The following SEZ6 variants were observed in gnomAD, a reference collection of about 807,000 sequenced individuals.
The protein encoded by SEZ6 is seizure protein 6 homolog.
A neutral mutation model predicts 101.0 loss-of-function variants in SEZ6; 53 were observed. The ratio of observed to expected loss-of-function variants is 0.52; its 90% CI spans 0.42 to 0.66. The LOEUF is 0.66. Among genes scored for constraint, SEZ6 ranks in the 30% least tolerant of loss-of-function variants. The pLI is 0.00. For missense variants in SEZ6, 1,102 were observed against 1,289.4 expected, an observed-to-expected ratio of 0.85 and a Z score of 2.23; for synonymous variants, 488 against 512.2, an observed-to-expected ratio of 0.95 and a Z score of 0.64.
rs762213786 is a variant in SEZ6, at chr17:28,974,185, G to A, written c.859-4233C>T. 1.2e-4 allele frequency among the ~76,000 whole-genome samples: 18 copies of A among 152,264 alleles called. No homozygotes were observed. The South Asian group carries it at 2.1e-3, about 18-fold the overall frequency. Reference sequence around the variant, plus strand: ...GTACTCATTTGCACCAGTACAACCCGGCATAGGCAGATGAGCTCAAAGATG... The same window carrying A: ...GTACTCATTTGCACCAGTACAACCCAGCATAGGCAGATGAGCTCAAAGATG... On this transcript the variant is annotated intron_variant, in intron 3 of 16. Coordinates refer to ENST00000317338, the MANE Select transcript of SEZ6 (RefSeq NM_178860.5).
rs190855332 is a variant in SEZ6 at position 28,978,223 on chromosome 17, C to G, written c.858+1457G>C. Among the ~76,000 whole-genome samples the G allele has an allele frequency of 7.2e-5, 11 of 152,348 alleles. No homozygotes were observed. In the East Asian group the frequency reaches 1.5e-3, roughly 21 times the overall value. On this transcript the variant is annotated intron_variant, in intron 3 of 16. Coordinates refer to ENST00000317338, the MANE Select transcript of SEZ6 (RefSeq NM_178860.5). ...TCAGCGCCCTGCCAGATTCCCTCAA[C>G]CAGGCTGAATGCCTCTCTTGCCCAC... is the stretch of plus-strand genomic sequence containing the variant.
intron 4 of SEZ6, among the ~76,000 whole-genome samples, chr17:28,969,222 TG>T (rs2041113844): frequency 6.6e-6 from 1 of 152,188 alleles, no homozygotes; most frequent in South Asian, 2.1e-4. Flanking sequence ...CTGAGCTGAT[TG>T]GGGCATGGGC....
intron 3 of SEZ6, among the ~76,000 whole-genome samples, chr17:28,972,718 C>T (rs918325657): frequency 1.3e-5 from 2 of 152,202 alleles, no homozygotes; most frequent in African/African-American, 4.8e-5. Flanking sequence ...GTTGGGAAAA[C>T]AAGACTCACA....
Position 29,005,942 on chromosome 17 carries a change from G to A in SEZ6, c.-73C>T. The stretch of plus-strand genomic sequence containing the variant: ...GGGGGGCTTGGTGGGGCTTGGGCGC[G>A]GGGGCAGAGCCGGGTCCGGCCGGGT... On this transcript the variant is annotated 5_prime_UTR_variant, in exon 1 of 17. Coordinates refer to ENST00000317338, the MANE Select transcript of SEZ6 (RefSeq NM_178860.5). This position sits in a 1 kb window ranked among gnomAD's most constrained non-coding sequence, Gnocchi z 4.8. 7.7e-7 allele frequency: 1 copy of A among 1,295,240 alleles called. No individual in the cohort carries two copies. Among genetic ancestry groups the A allele is most frequent in the Non-Finnish European group, 9.9e-7 (1 of 1,005,878 alleles). 80.2% of individuals were successfully genotyped at this position (1,295,240 alleles called of 1,614,324 possible).
rs1190552472 is a variant in SEZ6, at chr17:29,005,988, C to T, written c.-119G>A. 5 of 836,412 alleles carry T rather than the reference C, an allele frequency of 6.0e-6. No individual in the cohort carries two copies. The highest frequency in any genetic ancestry group is 7.9e-6 in the Non-Finnish European group (5 of 634,002). The allele number at this position is 836,412 out of a possible 1,614,324, so 51.8% of individuals were successfully genotyped here. A position where few individuals can be genotyped will look rare whatever the true frequency, so the allele number is the denominator to read the frequency against. On this transcript the variant is annotated 5_prime_UTR_variant, in exon 1 of 17. Coordinates refer to ENST00000317338, the MANE Select transcript of SEZ6 (RefSeq NM_178860.5). This position sits in a 1 kb window ranked among gnomAD's most constrained non-coding sequence, Gnocchi z 4.8. ...CGGGTAGAGGGAGCGGGGCCGCAGC[C>T]GTCACCGCCGCTGCCGCCGCCAGCG... is the stretch of plus-strand genomic sequence containing the variant.
At chr17:28,995,164 C>T (rs934556552) in intron 1 of SEZ6, among the ~76,000 whole-genome samples, 1 of 152,202 alleles carries the variant, frequency 6.6e-6, no homozygotes, top group Admixed American at 6.5e-5. Context: ...TGAGCCACCG[C>T]GCCCGGCCGA....
chr17:28,968,910 C>A (rs1204653860), intron 4 of SEZ6, among the ~76,000 whole-genome samples: 1 of 152,234 alleles, frequency 6.6e-6, no homozygotes, highest in Non-Finnish European at 1.5e-5. Context: ...AGGGACACAG[C>A]TGAGACAGCG....
intron 3 of SEZ6, among the ~76,000 whole-genome samples, chr17:28,978,609 G>T (rs1323523485): frequency 6.6e-6 from 1 of 152,248 alleles, no homozygotes; most frequent in Non-Finnish European, 1.5e-5. Context: ...CATTCAGTTA[G>T]CTGCAAGCTG....
chr17:28,963,123 C>G (rs554663293), intron 5 of SEZ6, among the ~76,000 whole-genome samples: 2 of 126,760 alleles, frequency 1.6e-5, no homozygotes, highest in Non-Finnish European at 3.2e-5. Context: ...GACTCCGTCT[C>G]GAAGAAAAAA....
chr17:28,974,022 A>G (rs2041187752), intron 3 of SEZ6, among the ~76,000 whole-genome samples: 1 of 152,166 alleles, frequency 6.6e-6, no homozygotes, highest in African/African-American at 2.4e-5. Context: ...GGGAGGTGGG[A>G]AGGATTCAGG....
intron 10 of SEZ6, among the ~76,000 whole-genome samples, 184 bp downstream of exon 10, chr17:28,958,841 C>T (rs911424248): frequency 2.6e-5 from 4 of 152,040 alleles, no homozygotes; most frequent in African/African-American, 9.7e-5. Flanking sequence ...CCCCTCTTGC[C>T]ACTATAGAAT....
chr17:28,972,497 A>C (rs1327434891), intron 3 of SEZ6, among the ~76,000 whole-genome samples: 3 of 152,134 alleles, frequency 2.0e-5, no homozygotes, highest in Non-Finnish European at 4.4e-5. Flanking sequence ...CCTGCCTGAG[A>C]GGAAAGACCT....
chr17:28,957,428 A>G lies in SEZ6; in HGVS notation c.2414T>C (p.Leu805Pro). 1.2e-6 allele frequency: 2 copies of G among 1,613,776 alleles called. No homozygotes were observed. Among genetic ancestry groups the G allele is most frequent in the Non-Finnish European group, 8.5e-7 (1 of 1,179,716 alleles). The change falls in exon 12 of 17, where the codon CTG (leucine) becomes CCG (proline). Residue 805 changes from leucine to proline, a missense_variant. Coordinates refer to ENST00000317338, the MANE Select transcript of SEZ6 (RefSeq NM_178860.5). ...GCAGGTGAGGATGGAGCTGCCCATC[A>G]GCACAAAACCCTGGTCACAGATATA... ...VQYICDQGFVLMGSSILTCHD... is the reference protein window; with the variant it reads ...VQYICDQGFVPMGSSILTCHD...
intron 3 of SEZ6, among the ~76,000 whole-genome samples, chr17:28,972,632 C>T (rs191971708): frequency 6.6e-6 from 1 of 152,342 alleles, no homozygotes; most frequent in Admixed American, 6.5e-5. Flanking sequence ...CTGCTGGGGA[C>T]ATTCCTCAGG....
chr17:28,957,235 C>T lies in SEZ6; in HGVS notation c.2502G>A (p.Gln834=). The T allele has an allele frequency of 1.9e-6, 3 of 1,614,020 alleles. No homozygotes were observed. Among genetic ancestry groups the T allele is most frequent in the Non-Finnish European group, 2.5e-6 (3 of 1,179,878 alleles). ...CACTGAGACCATGGCATGGCTTGAG[C>T]TGTTCCACTACAAAGCAGGCAGAGT... ...SDRAPKCLLE[Q]LKPCHGLSAP... The change falls in exon 13 of 17, where the codon CAG becomes CAA. Residue 834 remains glutamine (Q), a synonymous_variant. Transcript: ENST00000317338.
chr17:28,971,126 G>T (rs776834250), intron 3 of SEZ6, among the ~76,000 whole-genome samples: 1 of 152,228 alleles, frequency 6.6e-6, no homozygotes, highest in Non-Finnish European at 1.5e-5. Context: ...ACACTGGATT[G>T]ATTGGGAGCC....
intron 1 of SEZ6, among the ~76,000 whole-genome samples, chr17:28,997,065 C>G (rs561479592): frequency 1.5e-3 from 233 of 152,152 alleles, no homozygotes; most frequent in Non-Finnish European, 2.6e-3. Context: ...GAGCAACAGG[C>G]TCTTTCTATC....
intron 4 of SEZ6, among the ~76,000 whole-genome samples, chr17:28,966,764 AAAAG>A (rs201503904): frequency 2.6e-5 from 4 of 152,290 alleles, no homozygotes; most frequent in African/African-American, 9.6e-5. Context: ...ATTAAAAAGA[AAAAG>A]AAAAAGAAAA....
rs1402658119 is a variant in SEZ6 at position 28,959,996 on chromosome 17, C to T, written c.1577-104G>A. 1.5e-5 allele frequency: 19 copies of T among 1,247,460 alleles called. No homozygotes were observed. The highest frequency in any genetic ancestry group is 4.4e-5 in the Admixed American group (2 of 45,042). 77.3% of individuals were successfully genotyped at this position (1,247,460 alleles called of 1,614,324 possible). On this transcript the variant is annotated intron_variant, in intron 7 of 16. Coordinates refer to ENST00000317338, the MANE Select transcript of SEZ6 (RefSeq NM_178860.5). The surrounding 1 kb of genome is among the most constrained non-coding windows in gnomAD (Gnocchi z 4.4). ...CCCAGAGCCTTTCTTTTCCTGGGTACGAATGACAAATATATGTCCTGGGGT... is the reference window on the plus strand; with the variant it reads ...CCCAGAGCCTTTCTTTTCCTGGGTATGAATGACAAATATATGTCCTGGGGT...
Sources: gnomAD v4.1 joint callset for allele counts (sites outside exome capture counted in the v4.1 genomes callset) on GRCh38, gnomAD v4.1.1 for gene constraint, Gnocchi (gnomAD v3.1) non-coding constraint, MANE v1.5 for transcripts, NCBI Gene and HGNC (gene_info 2026-07-23, HGNC 2026-07-21) for gene names.